The following SEC24C variants were observed in gnomAD, a reference collection of about 807,000 sequenced individuals.
SEC24C encodes the protein SEC24 homolog C, COPII component.
SEC24C carries 22 observed loss-of-function variants against 117.0 expected under a neutral mutation model. That is an observed-to-expected ratio of 0.19 (90% CI 0.13 to 0.27). SEC24C has a LOEUF of 0.27. Among genes scored for constraint, SEC24C ranks in the 10% least tolerant of loss-of-function variants. SEC24C has a pLI of 1.00. For missense variants in SEC24C, 1,155 were observed against 1,375.1 expected, an observed-to-expected ratio of 0.84 and a Z score of 2.53; for synonymous variants, 506 against 529.4, an observed-to-expected ratio of 0.96 and a Z score of 0.61.
rs371622823 is a variant in SEC24C at position 73,752,918 on chromosome 10, C to T, written c.308+1675C>T. 3.9e-5 allele frequency among the ~76,000 whole-genome samples: 6 copies of T among 152,182 alleles called. No homozygotes were observed. The East Asian group carries it at 7.7e-4, about 19-fold the overall frequency. Reference sequence around the variant, plus strand: ...ACTCCTTTGTAACTACAACTACGACCCAGATGAAGAAATAGAACTTTGCCA... The same window carrying T: ...ACTCCTTTGTAACTACAACTACGACTCAGATGAAGAAATAGAACTTTGCCA... On this transcript the variant is annotated intron_variant, in intron 3 of 22. Transcript: ENST00000345254.
chr10:73,747,246 G>C (rs887328606), intron 2 of SEC24C, among the ~76,000 whole-genome samples: 8 of 152,130 alleles, frequency 5.3e-5, no homozygotes, highest in Admixed American at 2.0e-4. Flanking sequence ...ACAGTGGCAT[G>C]ATCTCAACTC....
At position 73,757,036 on chromosome 10, in the gene SEC24C, G is replaced by C. The variant is rs2082720153; in HGVS notation, c.309-2586G>C. 2.8e-5 allele frequency among the ~76,000 whole-genome samples: 4 copies of C among 145,044 alleles called. No homozygotes were observed. The Admixed American group carries it at 2.8e-4, about 10-fold the overall frequency. The stretch of plus-strand genomic sequence containing the variant: ...AGTGAATCTCCTGTCTGAACCTCTT[G>C]AGTAGCTGGGATTACAGGTGTGCAC... On this transcript the variant is annotated intron_variant, in intron 3 of 22. Transcript: ENST00000345254.
In SEC24C at chr10:73,764,000, G is replaced by T; in HGVS notation, c.1227+17G>T. On this transcript the variant is annotated intron_variant, in intron 8 of 22. Coordinates refer to ENST00000345254, the MANE Select transcript of SEC24C (RefSeq NM_198597.3). ...CCAGAGGAGGTGAGTCAGGGAAGGG[G>T]CTAGAGTGTAATGAAAGGGAGGGAG... 6.4e-7 allele frequency: 1 copy of T among 1,564,738 alleles called. No individual in the cohort carries two copies. Among genetic ancestry groups the T allele is most frequent in the Non-Finnish European group, 8.7e-7 (1 of 1,152,456 alleles).
chr10:73,768,085 A>C, intron 15 of SEC24C, 78 bp downstream of exon 15: 1 of 1,390,046 alleles, frequency 7.2e-7, no homozygotes, highest in East Asian at 2.4e-5. Context: ...CTGACTCATT[A>C]ATAGAAATAG....
chr10:73,763,717 A>T, intron 7 of SEC24C, 116 bp downstream of exon 7: 2 of 711,334 alleles, frequency 2.8e-6, no homozygotes, highest in Non-Finnish European at 4.2e-6. Flanking sequence ...AACCAGAGAC[A>T]AGTTCCCTCT....
chr10:73,765,422 TG>T (rs776041568), intron 8 of SEC24C, 28 bp from the exon 9 acceptor site: 32 of 1,598,618 alleles, frequency 2.0e-5, no homozygotes, highest in Non-Finnish European at 2.6e-5. Context: ...TTTTCCTTTA[TG>T]TCTGATCCCT....
rs758903013 is a variant in SEC24C, at chr10:73,771,048, G to T, written c.3238G>T (p.Asp1080Tyr). The T allele has an allele frequency of 6.2e-7, 1 of 1,614,214 alleles. No homozygotes were observed. The highest frequency in any genetic ancestry group is 8.5e-7 in the Non-Finnish European group (1 of 1,180,036). ...KSLSGGASYV[D>Y]FLCHMHKEIR... is the part of the protein sequence containing the mutation. Reference sequence around the variant, plus strand: ...TCTGAGTGGGGGAGCATCTTATGTGGACTTTCTCTGTCATATGCACAAGGA... The same window carrying T: ...TCTGAGTGGGGGAGCATCTTATGTGTACTTTCTCTGTCATATGCACAAGGA... The change falls in exon 23 of 23, where the codon GAC becomes TAC. Residue 1080 changes from aspartate to tyrosine, a missense_variant. Coordinates refer to ENST00000345254, the MANE Select transcript of SEC24C (RefSeq NM_198597.3).
chr10:73,766,057 CCT>C (rs1299537493), intron 10 of SEC24C, 27 bp from the exon 11 acceptor site: 4 of 1,608,028 alleles, frequency 2.5e-6, no homozygotes, highest in Non-Finnish European at 3.4e-6. Context: ...TACCATTCCC[CCT>C]CTCCCCAACA....
At position 73,766,863 on chromosome 10, in the gene SEC24C, G is replaced by T. The variant is rs992922494; in HGVS notation, c.1893+10G>T. ...AATGGAGGCTCTGAAGGTAAGGCTG[G>T]AGTATCGGGCAACCTCCTCTAACTC... On this transcript the variant is annotated intron_variant, in intron 13 of 22. Transcript: ENST00000345254. The T allele has an allele frequency of 6.2e-7, 1 of 1,611,188 alleles. No homozygotes were observed. The highest frequency in any genetic ancestry group is 1.3e-5 in the African/African-American group (1 of 74,884).
chr10:73,766,579 C>T lies in SEC24C; in HGVS notation c.1799+38C>T, dbSNP rs774572036. On this transcript the variant is annotated intron_variant, in intron 12 of 22. Coordinates refer to ENST00000345254, the MANE Select transcript of SEC24C (RefSeq NM_198597.3). The stretch of plus-strand genomic sequence containing the variant: ...TTGTGGAGGTAAAGGTTGGGGGTGG[C>T]ATGGGTACCACCATAGAAGGTCATG... 4 of 1,571,480 alleles carry T rather than the reference C, an allele frequency of 2.5e-6. No homozygotes were observed. In the East Asian group the frequency reaches 9.0e-5, roughly 35 times the overall value.
chr10:73,762,561 T>C (rs150358925), intron 6 of SEC24C, among the ~76,000 whole-genome samples: 4 of 152,262 alleles, frequency 2.6e-5, no homozygotes, highest in African/African-American at 4.8e-5. Flanking sequence ...TGGAGAAATA[T>C]TGGAGTAGGA....
rs1438780456 is a variant in SEC24C, at chr10:73,765,885, T to C, written c.1452T>C (p.Tyr484=). 6 of 1,614,178 alleles carry C rather than the reference T, an allele frequency of 3.7e-6. No individual in the cohort carries two copies. The highest frequency in any genetic ancestry group is 3.3e-5 in the Admixed American group (2 of 60,028). ...YDRPELSLGS[Y]EFLATVDYCK... ...GCCCTGAGCTATCCCTGGGCTCTTA[T>C]GAATTCTTGGCCACTGTAGATTACT... Residue 484 remains tyrosine, a synonymous_variant, in exon 10 of 23, where the codon TAT becomes TAC. Coordinates refer to ENST00000345254, the MANE Select transcript of SEC24C (RefSeq NM_198597.3).
chr10:73,752,167 G>A (rs1265425744), intron 3 of SEC24C: 3 of 152,022 alleles, frequency 2.0e-5, no homozygotes, highest in Non-Finnish European at 4.4e-5. Context: ...CGTGGCCCAA[G>A]CTAGAGTGCA....
In SEC24C at chr10:73,763,491, T is replaced by C; in HGVS notation, c.989T>C (p.Ile330Thr). The C allele has an allele frequency of 6.2e-7, 1 of 1,601,418 alleles. No individual in the cohort carries two copies. The highest frequency in any genetic ancestry group is 2.2e-5 in the East Asian group (1 of 44,810). The part of the protein sequence containing the change: ...RLDPDAIPSP[I>T]QVIEDDRNNR... ...CTCATTCATTGCACTTCTCTGCAGA[T>C]TCAGGTCATTGAAGATGACAGGAAC... Residue 330 changes from isoleucine to threonine, a missense_variant and splice_region_variant, in exon 7 of 23, where the codon ATT becomes ACT. By Grantham distance (89) the Ile-to-Thr change is moderately conservative. Coordinates refer to ENST00000345254, the MANE Select transcript of SEC24C (RefSeq NM_198597.3).
intron 2 of SEC24C, among the ~76,000 whole-genome samples, chr10:73,749,952 A>G (rs562713612): frequency 6.6e-6 from 1 of 152,332 alleles, no homozygotes; most frequent in Admixed American, 6.5e-5. Context: ...GATTTAGGGT[A>G]TGCCAAACTC....
chr10:73,761,601 C>T (rs2082797201), intron 6 of SEC24C, among the ~76,000 whole-genome samples: 1 of 152,168 alleles, frequency 6.6e-6, no homozygotes, highest in Non-Finnish European at 1.5e-5. Flanking sequence ...CTGTTCTCGT[C>T]CCTCTTCCTC....
intron 4 of SEC24C, 48 bp downstream of exon 4, chr10:73,759,842 A>AACACAGGAATGTTACTGTCCCCTGT: frequency 6.7e-7 from 1 of 1,500,830 alleles, no homozygotes; most frequent in Non-Finnish European, 8.9e-7. Context: ...GTTCAGAGGC[A>AACACAGGAATGTTACTGTCCCCTGT]TCAGACTCTG....
intron 3 of SEC24C, among the ~76,000 whole-genome samples, chr10:73,755,655 C>T (rs571959329): frequency 3.1e-4 from 47 of 150,830 alleles, no homozygotes; most frequent in East Asian, 2.4e-3. Flanking sequence ...CCAGCCTGGG[C>T]GACAGACAGC....
rs537637158 is a variant in SEC24C, at chr10:73,768,799, G to C, written c.2182-11G>C. 4 of 1,612,674 alleles carry C rather than the reference G, an allele frequency of 2.5e-6. No homozygotes were observed. In the East Asian group the frequency reaches 8.9e-5, roughly 36 times the overall value. On this transcript the variant is annotated splice_polypyrimidine_tract_variant and intron_variant, in intron 15 of 22. Transcript: ENST00000345254. ...AGTCAGTGACATGACTCTGGACCTG[G>C]GGGCCTGCAGGTGGAGAACGACCAG...
Sources: allele counts gnomAD v4.1 joint callset (sites outside exome capture counted in the v4.1 genomes callset), GRCh38; gene constraint gnomAD v4.1.1; transcripts MANE v1.5; gene names NCBI Gene and HGNC (gene_info 2026-07-23, HGNC 2026-07-21).